TICRR: variants seen among roughly 807,000 people sequenced by gnomAD.
TICRR encodes the protein treslin.
A neutral mutation model predicts 178.1 loss-of-function variants in TICRR; 132 were observed. The observed-to-expected ratio is 0.74, with a 90% CI of 0.64 to 0.86. The LOEUF (loss-of-function observed/expected upper bound fraction) is 0.86. Among genes scored for constraint, TICRR ranks in the 40% least tolerant of loss-of-function variants. TICRR has a pLI of 0.00. For missense variants in TICRR, 2,587 were observed against 2,334.3 expected (o/e 1.11, Z -2.23); for synonymous variants, 991 against 900.7 (o/e 1.10, Z -1.79).
At chr15:89,599,740 A>G (rs1963062036) in intron 8 of TICRR, among the ~76,000 whole-genome samples, 2 of 152,204 alleles carry the variant, frequency 1.3e-5, no homozygotes, top group Admixed American at 1.3e-4. Context: ...TGTGAGCTAT[A>G]TGTTAGCTGC....
intron 5 of TICRR, among the ~76,000 whole-genome samples, chr15:89,593,688 A>G (rs1422440274): frequency 6.6e-6 from 1 of 152,232 alleles, no homozygotes; most frequent in Non-Finnish European, 1.5e-5. Context: ...GATGGGCGAC[A>G]GAGCACCACA....
At position 89,624,299 on chromosome 15, in the gene TICRR, TAGAGTGTCC is replaced by T; in HGVS notation, c.3990_3998del (p.Glu1331_Pro1333del). 1 of 1,614,200 alleles carries T rather than the reference TAGAGTGTCC, an allele frequency of 6.2e-7. No homozygotes were observed. The stretch of plus-strand genomic sequence containing the variant: ...AAGAGTCCATTTAGGAAATCTAAAA[TAGAGTGTCC>T]TTCCCCAGGAGAACTGGATCAGAAA... On this transcript the variant is annotated inframe_deletion, in exon 20 of 22. Coordinates refer to ENST00000268138, the MANE Select transcript of TICRR (RefSeq NM_152259.4).
At chr15:89,590,174 C>G (rs988342915) in intron 4 of TICRR, among the ~76,000 whole-genome samples, 1 of 151,986 alleles carries the variant, frequency 6.6e-6, no homozygotes, top group African/African-American at 2.4e-5. Context: ...GGCCAAACAG[C>G]CAAGGAGAAG....
Position 89,582,674 on chromosome 15 carries a change from G to T in TICRR, c.655-12G>T. The T allele has an allele frequency of 1.2e-6, 2 of 1,608,922 alleles. No individual in the cohort carries two copies. The highest frequency in any genetic ancestry group is 1.7e-6 in the Non-Finnish European group (2 of 1,176,414). ...TTATAGTAACCTAAGGTTGTTTGTC[G>T]TTTTATTTTAGTTGTGGGAATCCCC... is the stretch of plus-strand genomic sequence containing the variant. On this transcript the variant is annotated splice_polypyrimidine_tract_variant and intron_variant, in intron 1 of 21. Transcript: ENST00000268138.
chr15:89,599,632 G>A (rs1224723342), intron 8 of TICRR, among the ~76,000 whole-genome samples, 157 bp downstream of exon 8: 2 of 152,170 alleles, frequency 1.3e-5, no homozygotes, highest in African/African-American at 4.8e-5. Context: ...CCAGATCTCA[G>A]AAGGTGGATA....
intron 4 of TICRR, among the ~76,000 whole-genome samples, chr15:89,591,218 C>T (rs1277601060): frequency 6.6e-6 from 1 of 152,140 alleles, no homozygotes; most frequent in Non-Finnish European, 1.5e-5. Flanking sequence ...CTCAGCCTCC[C>T]GGGTTCAAGC....
chr15:89,627,591 A>G lies in TICRR; in HGVS notation c.*505A>G, dbSNP rs1963557368. 1 of 155,900 alleles carries G rather than the reference A, an allele frequency of 6.4e-6. No individual in the cohort carries two copies. Among genetic ancestry groups the G allele is most frequent in the Admixed American group, 6.3e-5 (1 of 15,962 alleles). The allele number at this position is 155,900 out of a possible 1,614,324, so 9.7% of individuals were successfully genotyped here. Reference sequence around the variant, plus strand: ...CCTGTGTAACAGTAAAATCATCTCTAGTGACTGAGCACTCAGTACATTTTT... The same window carrying G: ...CCTGTGTAACAGTAAAATCATCTCTGGTGACTGAGCACTCAGTACATTTTT... On this transcript the variant is annotated 3_prime_UTR_variant, in exon 22 of 22. Coordinates refer to ENST00000268138, the MANE Select transcript of TICRR (RefSeq NM_152259.4).
intron 7 of TICRR, among the ~76,000 whole-genome samples, chr15:89,597,260 A>C (rs1377284676): frequency 6.6e-6 from 1 of 152,194 alleles, no homozygotes; most frequent in Non-Finnish European, 1.5e-5. Flanking sequence ...GCAGTGACTC[A>C]TGCCTGTAAT....
chr15:89,620,622 T>G (rs1347379509), intron 18 of TICRR, among the ~76,000 whole-genome samples: 1 of 150,392 alleles, frequency 6.6e-6, no homozygotes, highest in East Asian at 1.9e-4. Context: ...GCAGTTGTTG[T>G]AGTTGCTGAC....
intron 16 of TICRR, among the ~76,000 whole-genome samples, 199 bp downstream of exon 16, chr15:89,616,694 G>C (rs1030690640): frequency 5.9e-5 from 9 of 152,338 alleles, no homozygotes; most frequent in African/African-American, 1.9e-4. Flanking sequence ...CAATTATTTT[G>C]AGATTCATCC....
intron 19 of TICRR, among the ~76,000 whole-genome samples, chr15:89,622,013 G>C (rs1216286686): frequency 9.0e-6 from 1 of 111,232 alleles, no homozygotes; most frequent in African/African-American, 3.5e-5. Flanking sequence ...TGGAGACAGA[G>C]TCTTACTATT....
Position 89,626,036 on chromosome 15 carries a change from T to G in TICRR, c.5577T>G (p.Pro1859=). ...CGCTGCTGTTCCAGGGGAAAACACC[T>G]TCCTCTCAGAGCAAAGACCCCAGAG... ...QSPLLFQGKT[P]SSQSKDPRDE... The change falls in exon 21 of 22, where the codon CCT becomes CCG. Residue 1859 remains proline (P), a synonymous_variant. Coordinates refer to ENST00000268138, the MANE Select transcript of TICRR (RefSeq NM_152259.4). 1 of 1,613,942 alleles carries G rather than the reference T, an allele frequency of 6.2e-7. No individual in the cohort carries two copies. The highest frequency in any genetic ancestry group is 8.5e-7 in the Non-Finnish European group (1 of 1,179,894).
Position 89,608,963 on chromosome 15 carries a change from G to T in TICRR, c.2869+14G>T, listed in dbSNP as rs1365405054. On this transcript the variant is annotated intron_variant, in intron 15 of 21. Transcript: ENST00000268138. ...AGAAGAACAAAGGTACCACATTTCA[G>T]AATAGCTAGGAAAAAGGAAAGGGAG... 3.8e-6 allele frequency: 6 copies of T among 1,571,102 alleles called. No homozygotes were observed. Among genetic ancestry groups the T allele is most frequent in the Non-Finnish European group, 5.1e-6 (6 of 1,166,314 alleles).
At position 89,600,557 on chromosome 15, in the gene TICRR, C is replaced by T. The variant is rs745365129; in HGVS notation, c.2053-28C>T. The T allele has an allele frequency of 1.2e-5, 13 of 1,073,272 alleles. No homozygotes were observed. In the South Asian group the frequency reaches 1.7e-4, roughly 14 times the overall value. The allele number at this position is 1,073,272 out of a possible 1,614,324, so 66.5% of individuals were successfully genotyped here. A position where few individuals can be genotyped will look rare whatever the true frequency, so the allele number is the denominator to read the frequency against. ...AGAAATAATGACAAGTAACACTATT[C>T]TCCTATGTAATAATTTTGTATTTTT... On this transcript the variant is annotated intron_variant, in intron 8 of 21. Coordinates refer to ENST00000268138, the MANE Select transcript of TICRR (RefSeq NM_152259.4).
At chr15:89,583,944 T>C (rs1962774814) in intron 2 of TICRR, among the ~76,000 whole-genome samples, 1 of 152,196 alleles carries the variant, frequency 6.6e-6, no homozygotes, top group African/African-American at 2.4e-5. Context: ...GGCCTTGGCC[T>C]CCCAAAGTGC....
chr15:89,608,868 A>C lies in TICRR; in HGVS notation c.2788A>C (p.Lys930Gln). 2 of 1,611,418 alleles carry C rather than the reference A, an allele frequency of 1.2e-6. No homozygotes were observed. The highest frequency in any genetic ancestry group is 1.3e-5 in the African/African-American group (1 of 74,680). Residue 930 changes from lysine (K) to glutamine (Q), a missense_variant, in exon 15 of 22, where the codon AAG (lysine) becomes CAG (glutamine). Transcript: ENST00000268138. ...ELLSPSKRSL[K>Q]RGLPRSHSVS... ...GCTTTCCCCTTCAAAGAGATCACTAAAGCGGGGGTTGCCTAGAAGCCATTC... is the reference window on the plus strand; with the variant it reads ...GCTTTCCCCTTCAAAGAGATCACTACAGCGGGGGTTGCCTAGAAGCCATTC...
intron 19 of TICRR, among the ~76,000 whole-genome samples, chr15:89,622,281 C>T (rs1346566735): frequency 7.2e-5 from 11 of 152,040 alleles, no homozygotes; most frequent in East Asian, 3.9e-4. Context: ...CCACTGCGCC[C>T]GGCCTACAAA....
rs71151513 is a variant in TICRR, at chr15:89,577,599, C to CTTTTTTTTTTT, written c.654+1376_654+1386dup. Among the ~76,000 whole-genome samples the CTTTTTTTTTTT allele has an allele frequency of 2.8e-4, 17 of 60,872 alleles. 1 individual carries two copies. Among genetic ancestry groups the CTTTTTTTTTTT allele is most frequent in the African/African-American group, 1.3e-3 (17 of 12,956 alleles). The allele number at this position is 60,872 out of a possible 152,430, so 39.9% of individuals were successfully genotyped here. A position where few individuals can be genotyped will look rare whatever the true frequency, so the allele number is the denominator to read the frequency against. On this transcript the variant is annotated intron_variant, in intron 1 of 21. Transcript: ENST00000268138. ...ATACAGAGTGGTAGTGAGGGAAGGCCTTTTTTTTTTTTTTTTTTTTTTTTT... is the reference window on the plus strand; with the variant it reads ...ATACAGAGTGGTAGTGAGGGAAGGCCTTTTTTTTTTTTTTTTTTTTTTTTTTTTTTTTTTTT...
In TICRR at chr15:89,624,148, C is replaced by T; in HGVS notation, c.3838C>T (p.Pro1280Ser). ...CCTCAGAGCTGCTCGGGCAGAGGAACCAGCCCAGAAACTAAAGGATAAAGC... is the reference window on the plus strand; with the variant it reads ...CCTCAGAGCTGCTCGGGCAGAGGAATCAGCCCAGAAACTAAAGGATAAAGC... ...HVLRAARAEE[P>S]AQKLKDKAIK... Residue 1280 changes from proline (P) to serine (S), a missense_variant, in exon 20 of 22, where the codon CCA (proline) becomes TCA (serine). Coordinates refer to ENST00000268138, the MANE Select transcript of TICRR (RefSeq NM_152259.4). 1.2e-6 allele frequency: 2 copies of T among 1,613,980 alleles called. No individual in the cohort carries two copies. Among genetic ancestry groups the T allele is most frequent in the Non-Finnish European group, 8.5e-7 (1 of 1,180,020 alleles).
Sources: allele counts gnomAD v4.1 joint callset (sites outside exome capture counted in the v4.1 genomes callset), GRCh38; gene constraint gnomAD v4.1.1; transcripts MANE v1.5; gene names NCBI Gene and HGNC (gene_info 2026-07-23, HGNC 2026-07-21).